Variants in ZNF254 observed in about 807,000 individuals in gnomAD.
ZNF254 encodes CTD-2017D11.1.
In ZNF254, 10 loss-of-function variants were observed where a neutral mutation model predicts 12.4. That is an observed-to-expected ratio of 0.80 (90% CI 0.50 to 1.36). ZNF254 has a LOEUF of 1.36. Among genes scored for constraint, ZNF254 ranks in the 40% most tolerant of loss-of-function variants. ZNF254 has a pLI of 0.00. For missense variants in ZNF254, 996 were observed against 763.9 expected (o/e 1.30, Z -3.58); for synonymous variants, 305 against 253.4 (o/e 1.20, Z -1.93).
intron 2 of ZNF254, among the ~76,000 whole-genome samples, chr19:24,058,142 C>T (rs1166025211): frequency 6.6e-6 from 1 of 152,182 alleles, no homozygotes; most frequent in Non-Finnish European, 1.5e-5. Context: ...TGCTGCTGCA[C>T]ACAGAAGCGG....
At chr19:24,126,110 G>A (rs1178304509) in intron 3 of ZNF254, 144 bp from the exon 4 acceptor site, 4 of 492,394 alleles carry the variant, frequency 8.1e-6, no homozygotes, top group African/African-American at 8.0e-5. Flanking sequence ...TTACATTTAT[G>A]TCTATGAAAG....
At chr19:24,116,512 T>A (rs1388883807) in intron 3 of ZNF254, among the ~76,000 whole-genome samples, 1 of 152,160 alleles carries the variant, frequency 6.6e-6, no homozygotes, top group African/African-American at 2.4e-5. Context: ...TCTGCATTCT[T>A]CATGTAGTTC....
chr19:24,082,251 T>C (rs1971870254), upstream of ZNF254, among the ~76,000 whole-genome samples: 1 of 151,948 alleles, frequency 6.6e-6, no homozygotes, highest in Non-Finnish European at 1.5e-5. Context: ...ATGGTAAATG[T>C]GTTCCTCAAT....
chr19:24,058,755 T>C (rs1001206929), intron 2 of ZNF254, among the ~76,000 whole-genome samples: 1 of 152,132 alleles, frequency 6.6e-6, no homozygotes, highest in African/African-American at 2.4e-5. Flanking sequence ...ACAGTGAGCA[T>C]TGTAAAATAT....
chr19:24,112,541 A>T (rs1973753400), intron 3 of ZNF254, among the ~76,000 whole-genome samples: 1 of 150,428 alleles, frequency 6.6e-6, no homozygotes, highest in African/African-American at 2.5e-5. Flanking sequence ...TACCTTGGGC[A>T]GTATGGCCAT....
upstream of ZNF254, among the ~76,000 whole-genome samples, chr19:24,083,959 G>A (rs1039531287): frequency 1.3e-5 from 2 of 151,954 alleles, no homozygotes; most frequent in Admixed American, 6.6e-5. Context: ...TAGAACTACC[G>A]TTTGATTCAG....
intron 3 of ZNF254, among the ~76,000 whole-genome samples, chr19:24,112,998 G>A (rs1973789105): frequency 6.6e-6 from 1 of 152,148 alleles, no homozygotes; most frequent in Admixed American, 6.5e-5. Context: ...CTGAATCTCT[G>A]AAGAGACCAA....
intron 3 of ZNF254, among the ~76,000 whole-genome samples, chr19:24,118,796 C>A (rs1034372202): frequency 6.6e-6 from 1 of 151,656 alleles, no homozygotes; most frequent in Admixed American, 6.6e-5. Flanking sequence ...CATGTGTTTC[C>A]CCTATATATT....
intron 1 of ZNF254, among the ~76,000 whole-genome samples, chr19:24,089,424 C>T (rs927377824): frequency 6.6e-6 from 1 of 151,860 alleles, no homozygotes; most frequent in East Asian, 1.9e-4. Context: ...TTCTATCTTC[C>T]CTAGTCACAG....
intron 1 of ZNF254, among the ~76,000 whole-genome samples, chr19:24,044,283 A>G (rs1213717013): frequency 1.3e-5 from 2 of 151,940 alleles, no homozygotes; most frequent in African/African-American, 4.8e-5. Context: ...TCACGCCTAT[A>G]ATCCCAGCAC....
At chr19:24,049,202 ATATATATATATATTTTT>A (rs1568426395) in intron 2 of ZNF254, among the ~76,000 whole-genome samples, 1 of 61,324 alleles carries the variant, frequency 1.6e-5, no homozygotes, top group African/African-American at 7.9e-5. Flanking sequence ...ATATATATAT[ATATATATATATATTTTT>A]TTTTTTTTTT....
In ZNF254 at chr19:24,048,003, C is replaced by CTTTTTTTTTTTTTTTTTTTTTTTTTT. The variant is rs398034320; in HGVS notation, c.-94+1747_-94+1748insTTTTTTTTTTTTTTTTTTTTTTTTTT. Among the ~76,000 whole-genome samples, 27 of 68,820 alleles carry CTTTTTTTTTTTTTTTTTTTTTTTTTT rather than the reference C, an allele frequency of 3.9e-4. 2 individuals are homozygous for CTTTTTTTTTTTTTTTTTTTTTTTTTT. The highest frequency in any genetic ancestry group is 4.9e-4 in the African/African-American group (8 of 16,280). 45.1% of individuals were successfully genotyped at this position (68,820 alleles called of 152,430 possible). A position where few individuals can be genotyped will look rare whatever the true frequency, so the allele number is the denominator to read the frequency against. On this transcript the variant is annotated intron_variant, in intron 2 of 4. Coordinates refer to the ZNF254 transcript ENST00000613065. ...CACCCGGCTCTTTTTTTCTTTTCTTCTTTTTTTTTTTTTTTTTTTTTTTGC... is the reference window on the plus strand; with the variant it reads ...CACCCGGCTCTTTTTTTCTTTTCTTCTTTTTTTTTTTTTTTTTTTTTTTTTTTTTTTTTTTTTTTTTTTTTTTTTGC...
intron 2 of ZNF254, among the ~76,000 whole-genome samples, chr19:24,074,459 G>A (rs1188480578): frequency 1.3e-5 from 2 of 152,162 alleles, no homozygotes; most frequent in African/African-American, 4.8e-5. Context: ...CTTGGGTTTG[G>A]CCTATAGGAG....
At chr19:24,064,906 A>G (rs1971215524) in intron 2 of ZNF254, among the ~76,000 whole-genome samples, 1 of 152,148 alleles carries the variant, frequency 6.6e-6, no homozygotes, top group African/African-American at 2.4e-5. Context: ...ACACAGAACT[A>G]TTCTAACACA....
chr19:24,092,089 G>T (rs1373301958), intron 1 of ZNF254: 1 of 150,958 alleles, frequency 6.6e-6, no homozygotes, highest in Admixed American at 6.6e-5. Context: ...GGCCAGGATG[G>T]TCTCGATCTC....
chr19:24,098,986 C>CCCTTTTTT (rs1972832669), intron 1 of ZNF254: 1 of 109,396 alleles, frequency 9.1e-6, no homozygotes, highest in South Asian at 2.9e-4. Flanking sequence ...TCAGGCTTCG[C>CCCTTTTTT]TCTTTTTTTT....
chr19:24,078,092 G>A (rs1023752970), intron 2 of ZNF254, among the ~76,000 whole-genome samples: 3 of 152,220 alleles, frequency 2.0e-5, no homozygotes, highest in African/African-American at 7.2e-5. Flanking sequence ...AGGCTGGAGT[G>A]CAGTGGCATG....
At chr19:24,062,367 CTA>C (rs1413516778) in intron 2 of ZNF254, among the ~76,000 whole-genome samples, 13 of 152,160 alleles carry the variant, frequency 8.5e-5, no homozygotes, top group Admixed American at 8.5e-4. Flanking sequence ...AAAATTGTGA[CTA>C]TCTTATGTGA....
chr19:24,065,005 G>A (rs978452336), intron 2 of ZNF254, among the ~76,000 whole-genome samples: 1 of 152,166 alleles, frequency 6.6e-6, no homozygotes, highest in Non-Finnish European at 1.5e-5. Context: ...ACTGGACCTA[G>A]CACCTAGGTG....
Sources: allele counts gnomAD v4.1 joint callset (sites outside exome capture counted in the v4.1 genomes callset), GRCh38; gene constraint gnomAD v4.1.1; transcripts MANE v1.5; gene names NCBI Gene and HGNC (gene_info 2026-07-23, HGNC 2026-07-21).